Variants in QDPR observed in about 807,000 individuals in gnomAD.
QDPR encodes the protein quinoid dihydropteridine reductase.
QDPR carries 23 observed loss-of-function variants against 31.7 expected under a neutral mutation model. That is an observed-to-expected ratio of 0.73 (90% CI 0.52 to 1.03). The LOEUF is 1.03. QDPR is among the 50% of genes least tolerant of loss of function. The probability of loss-of-function intolerance (pLI) is 0.00; values close to 1 mark genes in which losing one functional copy is unlikely to be tolerated. For missense variants in QDPR, 324 were observed against 323.8 expected (o/e 1.00, Z 0.00); for synonymous variants, 124 against 124.7 (o/e 0.99, Z 0.03).
At chr4:17,488,567 C>A (rs1238953616) in intron 6 of QDPR, among the ~76,000 whole-genome samples, 1 of 152,126 alleles carries the variant, frequency 6.6e-6, no homozygotes, top group Non-Finnish European at 1.5e-5. Context: ...TCTAAGAAGA[C>A]AGGAATGAAA....
chr4:17,487,201 G>A lies in QDPR; in HGVS notation c.665C>T (p.Pro222Leu), dbSNP rs755564399. The change falls in exon 7 of 7, where the codon CCG becomes CTG. Residue 222 changes from proline (P) to leucine (L), a missense_variant. Pro to Leu is a moderately conservative substitution (Grantham distance 98). Coordinates refer to ENST00000281243, the MANE Select transcript of QDPR (RefSeq NM_000320.3). ...CACCTGGATTAGGCTTCCTGAGCTC[G>A]GTCGGTTTTTCCCTGTGATCCAGTC... ...FHDWITGKNR[P>L]SSGSLIQVVT... 15 of 1,613,930 alleles carry A rather than the reference G, an allele frequency of 9.3e-6. No individual in the cohort carries two copies. The highest frequency in any genetic ancestry group is 5.3e-5 in the African/African-American group (4 of 74,862).
At chr4:17,494,958 C>T (rs754756126) in intron 4 of QDPR, among the ~76,000 whole-genome samples, 2 of 152,186 alleles carry the variant, frequency 1.3e-5, no homozygotes, top group Non-Finnish European at 2.9e-5. Context: ...AGGGCACGCA[C>T]AGAACCCGAT....
chr4:17,487,321 G>A (rs918116786), intron 6 of QDPR, 85 bp from the exon 7 acceptor site: 1 of 1,016,102 alleles, frequency 9.8e-7, no homozygotes, highest in Admixed American at 1.9e-5. Flanking sequence ...GGCTTGTGGG[G>A]TGGGGGGAAG....
At chr4:17,489,468 T>G (rs1270947809) in intron 6 of QDPR, among the ~76,000 whole-genome samples, 6 of 152,172 alleles carry the variant, frequency 3.9e-5, no homozygotes, top group African/African-American at 7.2e-5. Flanking sequence ...TCAATTTTTT[T>G]CCTGCAAATC....
intron 4 of QDPR, among the ~76,000 whole-genome samples, chr4:17,496,460 A>G (rs1271548363): frequency 2.1e-5 from 3 of 144,358 alleles, no homozygotes; most frequent in African/African-American, 8.4e-5. Flanking sequence ...AAAAAAAAAA[A>G]AAAAAAAAAA....
chr4:17,504,378 C>T lies in QDPR; in HGVS notation c.295+1G>A. The T allele has an allele frequency of 6.2e-7, 1 of 1,612,904 alleles. No individual in the cohort carries two copies. Among genetic ancestry groups the T allele is most frequent in the Non-Finnish European group, 8.5e-7 (1 of 1,178,848 alleles). ...AATGAGTGACTCAGGAAAGGACTCA[C>T]ACTTGGATTTGGCATTGCCCCCGGC... On this transcript the variant is annotated splice_donor_variant, in intron 3 of 6. Transcript: ENST00000281243. LOFTEE classifies it high-confidence loss of function.
At position 17,507,979 on chromosome 4, in the gene QDPR, TG is replaced by T. The variant is rs1718847739; in HGVS notation, c.198+1291del. Among the ~76,000 whole-genome samples the T allele has an allele frequency of 5.3e-5, 8 of 152,324 alleles. No individual in the cohort carries two copies. In the South Asian group the frequency reaches 1.7e-3, roughly 32 times the overall value. On this transcript the variant is annotated intron_variant, in intron 2 of 6. Coordinates refer to ENST00000281243, the MANE Select transcript of QDPR (RefSeq NM_000320.3). ...ATCCTTCTGGGAAATGATACTATGATGGGGAGAAAAGGGACAGTTTCACAGT... is the reference window on the plus strand; with the variant it reads ...ATCCTTCTGGGAAATGATACTATGATGGGAGAAAAGGGACAGTTTCACAGT...
intron 4 of QDPR, among the ~76,000 whole-genome samples, chr4:17,499,385 GT>G (rs1718478988): frequency 6.6e-6 from 1 of 152,100 alleles, no homozygotes. Context: ...TGGTCCTAGG[GT>G]TTTGTTTTTT....
At position 17,506,103 on chromosome 4, in the gene QDPR, T is replaced by C. The variant is rs970694018; in HGVS notation, c.199-1628A>G. 2.0e-5 allele frequency among the ~76,000 whole-genome samples: 3 copies of C among 152,254 alleles called. No individual in the cohort carries two copies. The East Asian group carries it at 5.8e-4, about 29-fold the overall frequency. ...GCTCTCCAAGCCCAGGAACCGCCCT[T>C]CCATTTAGTTTTGGCTTTTATTACT... On this transcript the variant is annotated intron_variant, in intron 2 of 6. Coordinates refer to ENST00000281243, the MANE Select transcript of QDPR (RefSeq NM_000320.3).
At chr4:17,489,957 C>A in intron 6 of QDPR, 1 of 161,644 alleles carries the variant, frequency 6.2e-6, no homozygotes. Context: ...TCTTTGTCCT[C>A]ACCGTGACCC....
chr4:17,490,745 C>A lies in QDPR; in HGVS notation c.546G>T (p.Pro182=), dbSNP rs1176312266. The change falls in exon 6 of 7, where the codon CCG becomes CCT. Residue 182 remains proline, a splice_region_variant and synonymous_variant. Transcript: ENST00000281243. ...TGTTCATCGGGGTATCCAGGGTAACCCTGCAATGGACACAGATAAGCACGT... is the reference window on the plus strand; with the variant it reads ...TGTTCATCGGGGTATCCAGGGTAACACTGCAATGGACACAGATAAGCACGT... ...PPGAAAIAVL[P]VTLDTPMNRK... The A allele has an allele frequency of 6.2e-7, 1 of 1,612,830 alleles. No homozygotes were observed. The highest frequency in any genetic ancestry group is 1.7e-5 in the Admixed American group (1 of 59,970).
chr4:17,493,693 G>A (rs976582178), intron 4 of QDPR, among the ~76,000 whole-genome samples: 4 of 152,102 alleles, frequency 2.6e-5, no homozygotes, highest in Non-Finnish European at 5.9e-5. Context: ...CTCCAGCCAC[G>A]CCACCCTCCC....
At chr4:17,492,473 C>G in intron 4 of QDPR, 133 bp from the exon 5 acceptor site, 1 of 740,504 alleles carries the variant, frequency 1.4e-6, no homozygotes, top group Non-Finnish European at 2.3e-6. Flanking sequence ...TCCTTCAGGT[C>G]AGACGCCCTC....
chr4:17,511,028 A>G (rs1301423772), intron 1 of QDPR, among the ~76,000 whole-genome samples: 1 of 152,210 alleles, frequency 6.6e-6, no homozygotes, highest in African/African-American at 2.4e-5. Flanking sequence ...CAACATATCC[A>G]TGTAACTAAA....
chr4:17,490,190 T>A, intron 6 of QDPR: 1 of 202,128 alleles, frequency 4.9e-6, no homozygotes, highest in Non-Finnish European at 1.0e-5. Flanking sequence ...GATTCAGATA[T>A]GTGCCCCCAG....
At chr4:17,510,560 C>T (rs1718968864) in intron 1 of QDPR, among the ~76,000 whole-genome samples, 1 of 152,202 alleles carries the variant, frequency 6.6e-6, no homozygotes, top group South Asian at 2.1e-4. Flanking sequence ...CTCCATCATC[C>T]TAGCCCTCCC....
At chr4:17,499,498 T>G (rs1718482956) in intron 4 of QDPR, among the ~76,000 whole-genome samples, 1 of 152,192 alleles carries the variant, frequency 6.6e-6, no homozygotes, top group Non-Finnish European at 1.5e-5. Flanking sequence ...ACAGCTAACA[T>G]TTACACAGCT....
chr4:17,507,107 A>T (rs1360700662), intron 2 of QDPR, among the ~76,000 whole-genome samples: 1 of 152,228 alleles, frequency 6.6e-6, no homozygotes, highest in Non-Finnish European at 1.5e-5. Flanking sequence ...GATAAGGATC[A>T]TAAAACATCA....
At chr4:17,500,256 AG>A (rs1718514362) in intron 4 of QDPR, among the ~76,000 whole-genome samples, 1 of 147,080 alleles carries the variant, frequency 6.8e-6, no homozygotes, top group Non-Finnish European at 1.5e-5. Flanking sequence ...CCCGGCCAAA[AG>A]CTCCCATTTT....
Sources: allele counts gnomAD v4.1 joint callset (sites outside exome capture counted in the v4.1 genomes callset), GRCh38; gene constraint gnomAD v4.1.1; transcripts MANE v1.5; gene names NCBI Gene and HGNC (gene_info 2026-07-23, HGNC 2026-07-21).